HK1: variants seen among roughly 807,000 people sequenced by gnomAD.
HK1 encodes the protein hexokinase-1.
Under a neutral mutation model 91.6 loss-of-function variants are expected in HK1, and 28 were observed. That is an observed-to-expected ratio of 0.31 (90% CI 0.23 to 0.42). HK1 has a LOEUF of 0.42. Among genes scored for constraint, HK1 ranks in the 10% least tolerant of loss-of-function variants. The pLI is 1.00. For synonymous variants in HK1, 430 were observed against 468.1 expected, an observed-to-expected ratio of 0.92 and a Z score of 1.05; for missense variants, 770 against 1,219.8, an observed-to-expected ratio of 0.63 and a Z score of 5.49.
chr10:69,373,886 G>A (rs918187256), intron 7 of HK1, among the ~76,000 whole-genome samples: 25 of 152,236 alleles, frequency 1.6e-4, no homozygotes, highest in Admixed American at 1.1e-3. Flanking sequence ...TACTGCACCC[G>A]GCCTGCTTGG....
intron 1 of HK1, among the ~76,000 whole-genome samples, chr10:69,280,177 T>G (rs903721197): frequency 6.6e-6 from 1 of 152,078 alleles, no homozygotes; most frequent in African/African-American, 2.4e-5. Context: ...GCTGGAGAGA[T>G]CTCGGCTCAC....
intron 7 of HK1, among the ~76,000 whole-genome samples, chr10:69,375,148 C>T (rs1839024787): frequency 6.6e-6 from 1 of 152,158 alleles, no homozygotes; most frequent in Non-Finnish European, 1.5e-5. Context: ...GCTAATGTCT[C>T]CCTCCTAGGG....
At chr10:69,340,442 G>A (rs1480931724) in intron 1 of HK1, among the ~76,000 whole-genome samples, 1 of 152,116 alleles carries the variant, frequency 6.6e-6, no homozygotes, top group Non-Finnish European at 1.5e-5. Context: ...TAGAGACCGG[G>A]TTTTACCATG....
At chr10:69,363,719 C>T (rs1430002091) in intron 3 of HK1, among the ~76,000 whole-genome samples, 1 of 152,124 alleles carries the variant, frequency 6.6e-6, no homozygotes, top group African/African-American at 2.4e-5. Context: ...TTAGAGAGAT[C>T]CAAAAAGATT....
chr10:69,291,404 T>C (rs188441647), intron 3 of HK1, among the ~76,000 whole-genome samples: 60 of 152,346 alleles, frequency 3.9e-4, no homozygotes, highest in African/African-American at 1.4e-3. Flanking sequence ...TCTTATTGCC[T>C]GGAGCCTCTG....
Position 69,376,929 on chromosome 10 carries a change from C to T in HK1, c.876-5C>T, listed in dbSNP as rs1839143311. ...TGACAAGTGCCGGTGTGCCTTTCTC[C>T]ACAGGTTTGAGAAGATGGTCAGTGG... is the stretch of plus-strand genomic sequence containing the variant. On this transcript the variant is annotated splice_polypyrimidine_tract_variant and splice_region_variant and intron_variant, in intron 7 of 17. Coordinates refer to ENST00000359426, the MANE Select transcript of HK1 (RefSeq NM_000188.3). The T allele has an allele frequency of 1.2e-6, 2 of 1,614,132 alleles. No homozygotes were observed. Among genetic ancestry groups the T allele is most frequent in the Non-Finnish European group, 1.7e-6 (2 of 1,180,004 alleles).
At chr10:69,352,355 G>T (rs10998736) in intron 2 of HK1, among the ~76,000 whole-genome samples, 21,089 of 152,062 alleles carry the variant, frequency 0.14, 1,658 homozygotes, top group South Asian at 0.27. Context: ...TCCAATGGGA[G>T]CCCAAAGAAA....
chr10:69,338,638 G>A, intron 1 of HK1: 1 of 1,288,290 alleles, frequency 7.8e-7, no homozygotes. Flanking sequence ...CGGTGATGTG[G>A]AGGCAGCACC....
intron 1 of HK1, among the ~76,000 whole-genome samples, chr10:69,327,569 T>A (rs1442657894): frequency 6.6e-6 from 1 of 152,210 alleles, no homozygotes; most frequent in Non-Finnish European, 1.5e-5. Context: ...CAAGTTTCTC[T>A]AGGCTCTAAG....
chr10:69,368,666 A>G, intron 5 of HK1, 35 bp downstream of exon 5: 2 of 1,532,652 alleles, frequency 1.3e-6, no homozygotes, highest in South Asian at 1.1e-5. Context: ...TCAGCCATGC[A>G]GGGGTGTGGG....
chr10:69,345,741 CTA>C (rs1183711376), intron 2 of HK1, among the ~76,000 whole-genome samples: 1 of 152,116 alleles, frequency 6.6e-6, no homozygotes, highest in Non-Finnish European at 1.5e-5. Flanking sequence ...TCCCAGGGAC[CTA>C]TGTCAGCAGG....
intron 2 of HK1, among the ~76,000 whole-genome samples, chr10:69,351,485 G>A (rs1178076332): frequency 6.6e-6 from 1 of 152,058 alleles, no homozygotes; most frequent in East Asian, 1.9e-4. Context: ...GTCCAGCCTG[G>A]GCAACAAGAG....
intron 3 of HK1, among the ~76,000 whole-genome samples, chr10:69,290,453 G>A (rs1043928077): frequency 7.9e-5 from 12 of 152,142 alleles, no homozygotes; most frequent in African/African-American, 2.7e-4. Context: ...GCAAAGTCCA[G>A]CTCAGGTGCA....
At chr10:69,336,796 C>A (rs1392823306) in intron 1 of HK1, among the ~76,000 whole-genome samples, 1 of 151,952 alleles carries the variant, frequency 6.6e-6, no homozygotes, top group Non-Finnish European at 1.5e-5. Flanking sequence ...TCTGCCACCA[C>A]ACCCGGCTAA....
rs757819107 is a variant in HK1 at position 69,382,827 on chromosome 10, C to T, written c.1570+36C>T. The T allele has an allele frequency of 3.4e-5, 54 of 1,597,230 alleles. 1 individual carries two copies. In the South Asian group the frequency reaches 5.7e-4, roughly 17 times the overall value. On this transcript the variant is annotated intron_variant, in intron 10 of 17. Transcript: ENST00000359426. ...GCTGGGGGCTGACATGCCTGTCCTG[C>T]TCCTGCCAGGAACTGAGCCGCAGTG... is the stretch of plus-strand genomic sequence containing the variant.
chr10:69,377,359 C>G (rs1247147396), intron 8 of HK1, among the ~76,000 whole-genome samples: 1 of 152,010 alleles, frequency 6.6e-6, no homozygotes, highest in African/African-American at 2.4e-5. Flanking sequence ...CTCCCACCCC[C>G]ATCAGCCCAT....
intron 3 of HK1, among the ~76,000 whole-genome samples, chr10:69,291,319 G>A (rs1845288816): frequency 6.6e-6 from 1 of 152,222 alleles, no homozygotes; most frequent in Admixed American, 6.5e-5. Flanking sequence ...CAGGTTCTGG[G>A]ATCTCAGACA....
chr10:69,373,764 A>T (rs568196273), intron 7 of HK1, among the ~76,000 whole-genome samples: 1 of 151,356 alleles, frequency 6.6e-6, no homozygotes, highest in Admixed American at 6.6e-5. Context: ...TAATTTTAAA[A>T]TTTTTTTATA....
At chr10:69,382,291 C>A (rs1237597919) in intron 9 of HK1, among the ~76,000 whole-genome samples, 196 bp from the exon 10 acceptor site, 3 of 152,168 alleles carry the variant, frequency 2.0e-5, no homozygotes, top group Non-Finnish European at 4.4e-5. Context: ...GGGAGGATCA[C>A]CTGAACCTGG....
Sources: gnomAD v4.1 joint callset for allele counts (sites outside exome capture counted in the v4.1 genomes callset) on GRCh38, gnomAD v4.1.1 for gene constraint, MANE v1.5 for transcripts, NCBI Gene and HGNC (gene_info 2026-07-23, HGNC 2026-07-21) for gene names.